Variants in MACC1 observed in about 807,000 individuals in gnomAD.
MACC1 encodes the protein metastasis-associated in colon cancer protein 1.
MACC1 carries 79 observed loss-of-function variants against 70.7 expected under a neutral mutation model. That is an observed-to-expected ratio of 1.12 (90% confidence interval 0.93 to 1.35). The LOEUF is 1.35. Ranked by LOEUF, MACC1 falls within the 40% of genes most tolerant of loss-of-function variation. The pLI, the probability that MACC1 is intolerant of heterozygous loss-of-function variation, is 0.00. For missense variants in MACC1, 1,106 were observed against 978.1 expected (o/e 1.13, Z -1.74); for synonymous variants, 361 against 347.2 (o/e 1.04, Z -0.44).
At chr7:20,152,200 T>C (rs895470587) in intron 6 of MACC1, among the ~76,000 whole-genome samples, 4 of 152,052 alleles carry the variant, frequency 2.6e-5, no homozygotes, top group African/African-American at 9.7e-5. Context: ...TTGGCACACA[T>C]AGAAGGCAGT....
At chr7:20,182,783 A>T (rs1782530410) in intron 1 of MACC1, among the ~76,000 whole-genome samples, 3 of 152,188 alleles carry the variant, frequency 2.0e-5, no homozygotes, top group Admixed American at 6.5e-5. Context: ...GTCACTTTTC[A>T]TATATGGCCC....
chr7:20,185,215 G>C (rs1050533908), intron 1 of MACC1: 2 of 152,178 alleles, frequency 1.3e-5, no homozygotes, highest in African/African-American at 4.8e-5. Context: ...ACATAAGAAA[G>C]ATTGCTCTTT....
intron 6 of MACC1, among the ~76,000 whole-genome samples, chr7:20,143,468 A>T (rs990163972): frequency 6.6e-6 from 1 of 152,136 alleles, no homozygotes; most frequent in Admixed American, 6.5e-5. Context: ...AGCTCACTGC[A>T]ACCTCCCACT....
chr7:20,192,495 A>G (rs73685449), intron 1 of MACC1, among the ~76,000 whole-genome samples: 1 of 152,122 alleles, frequency 6.6e-6, no homozygotes, highest in Non-Finnish European at 1.5e-5. Context: ...CCTGACTTCT[A>G]GTCATCCCCT....
At chr7:20,185,538 G>T (rs769022968) in intron 1 of MACC1, among the ~76,000 whole-genome samples, 1 of 151,928 alleles carries the variant, frequency 6.6e-6, no homozygotes, top group South Asian at 2.1e-4. Flanking sequence ...ATATGAAAAA[G>T]AAAATTTTCT....
intron 1 of MACC1, among the ~76,000 whole-genome samples, chr7:20,215,013 C>T (rs1248376189): frequency 6.6e-6 from 1 of 152,114 alleles, no homozygotes; most frequent in African/African-American, 2.4e-5. Context: ...AGCCTGGGTA[C>T]GCGTCTCTTC....
intron 1 of MACC1, among the ~76,000 whole-genome samples, chr7:20,189,498 C>T (rs1250600159): frequency 2.6e-5 from 4 of 152,104 alleles, no homozygotes; most frequent in South Asian, 2.1e-4. Flanking sequence ...AAAGTCATTG[C>T]GGCAAATCAA....
rs536592528 is a variant in MACC1, at chr7:20,189,752, C to A, written c.-217-18974G>T. The stretch of plus-strand genomic sequence containing the variant: ...AGACAGACATACACAAACACATAAA[C>A]ACACACACACACACACACACACATA... On this transcript the variant is annotated intron_variant, in intron 1 of 6. Coordinates refer to ENST00000400331, the MANE Select transcript of MACC1 (RefSeq NM_182762.4). Among the ~76,000 whole-genome samples the A allele has an allele frequency of 2.0e-5, 3 of 148,296 alleles. No individual in the cohort carries two copies. The East Asian group carries it at 5.9e-4, about 29-fold the overall frequency.
intron 1 of MACC1, among the ~76,000 whole-genome samples, chr7:20,183,843 G>A (rs967890157): frequency 4.6e-5 from 7 of 151,928 alleles, no homozygotes; most frequent in African/African-American, 1.7e-4. Flanking sequence ...AAGTAACTGG[G>A]ATCACAGGCG....
In MACC1 at chr7:20,154,243, C is replaced by G. The variant is rs1782022650; in HGVS notation, c.2296G>C (p.Glu766Gln). 1.2e-6 allele frequency: 2 copies of G among 1,614,016 alleles called. No homozygotes were observed. Among genetic ancestry groups the G allele is most frequent in the East Asian group, 2.2e-5 (1 of 44,872 alleles). The change falls in exon 6 of 7, where the codon GAG becomes CAG. Residue 766 changes from glutamate (E) to glutamine (Q), a missense_variant. By Grantham distance (29) the Glu-to-Gln change is conservative. Transcript: ENST00000400331. ...KLVRLTKQQM[E>Q]AYEIPHRGNT... The stretch of plus-strand genomic sequence containing the variant: ...CCTCGATGAGGAATTTCATATGCCT[C>G]CATTTGTTGCTTTGTGAGTCGTACT...
At chr7:20,172,100 C>G (rs1003724007) in intron 1 of MACC1, among the ~76,000 whole-genome samples, 1 of 152,148 alleles carries the variant, frequency 6.6e-6, no homozygotes, top group African/African-American at 2.4e-5. Context: ...TCTAGTTCTC[C>G]CACACAATCT....
intron 1 of MACC1, among the ~76,000 whole-genome samples, chr7:20,209,110 G>C (rs562459608): frequency 7.2e-5 from 11 of 152,192 alleles, no homozygotes; most frequent in Non-Finnish European, 1.3e-4. Flanking sequence ...ACAGGGATGG[G>C]GCCCTCATAG....
rs1381013270 is a variant in MACC1 at position 20,172,488 on chromosome 7, TATATATACACAC to T, written c.-217-1722_-217-1711del. On this transcript the variant is annotated intron_variant, in intron 1 of 6. Transcript: ENST00000400331. ...AAATATATAAATATATATACGCACA[TATATATACACAC>T]ATATATACACACATATATATTTGAG... Among the ~76,000 whole-genome samples, 19 of 152,168 alleles carry T rather than the reference TATATATACACAC, an allele frequency of 1.2e-4. No homozygotes were observed. In the South Asian group the frequency reaches 1.9e-3, roughly 15 times the overall value.
chr7:20,163,688 A>T (rs1240952627), intron 3 of MACC1, among the ~76,000 whole-genome samples: 1 of 152,198 alleles, frequency 6.6e-6, no homozygotes. Flanking sequence ...TCTTCATCCC[A>T]TGACAACATT....
At chr7:20,188,070 G>A (rs1782616113) in intron 1 of MACC1, among the ~76,000 whole-genome samples, 1 of 152,100 alleles carries the variant, frequency 6.6e-6, no homozygotes, top group South Asian at 2.1e-4. Context: ...CGAGCAAAAA[G>A]GGGGAAAGCC....
At chr7:20,157,178 G>A (rs1782067338) in intron 5 of MACC1, among the ~76,000 whole-genome samples, 1 of 152,050 alleles carries the variant, frequency 6.6e-6, no homozygotes, top group South Asian at 2.1e-4. Context: ...AGTTGTTAAT[G>A]GCTAAATAAG....
At chr7:20,151,680 A>G (rs1178952619) in intron 6 of MACC1, among the ~76,000 whole-genome samples, 1 of 152,210 alleles carries the variant, frequency 6.6e-6, no homozygotes, top group Non-Finnish European at 1.5e-5. Flanking sequence ...TGTTCAGAAA[A>G]TCTGACAAAT....
intron 1 of MACC1, among the ~76,000 whole-genome samples, chr7:20,175,172 C>CT (rs1782372399): frequency 6.6e-6 from 1 of 151,946 alleles, no homozygotes; most frequent in African/African-American, 2.4e-5. Context: ...CTTCTGATTC[C>CT]TTATGGCTTT....
intron 1 of MACC1, among the ~76,000 whole-genome samples, chr7:20,202,797 C>G (rs1782852215): frequency 6.6e-6 from 1 of 152,194 alleles, no homozygotes; most frequent in South Asian, 2.1e-4. Context: ...TTAAAGGGCA[C>G]ATGTGGCTAA....
Sources: gnomAD v4.1 joint callset for allele counts (sites outside exome capture counted in the v4.1 genomes callset) on GRCh38, gnomAD v4.1.1 for gene constraint, MANE v1.5 for transcripts, NCBI Gene and HGNC (gene_info 2026-07-23, HGNC 2026-07-21) for gene names.